The following GLRA3 variants were observed in gnomAD, a reference collection of about 807,000 sequenced individuals.
The protein encoded by GLRA3 is glycine receptor alpha 3.
Under a neutral mutation model 60.4 loss-of-function variants are expected in GLRA3, and 44 were observed. The observed-to-expected ratio is 0.73, with a 90% CI of 0.57 to 0.94. The LOEUF (loss-of-function observed/expected upper bound fraction) is 0.94, where lower values mean the gene tolerates loss of function less well. GLRA3 is among the 40% of genes least tolerant of loss of function. GLRA3 has a pLI of 0.00. For missense variants in GLRA3, 508 were observed against 564.6 expected, an observed-to-expected ratio of 0.90 and a Z score of 1.02; for synonymous variants, 223 against 192.9, an observed-to-expected ratio of 1.16 and a Z score of -1.29.
At chr4:174,649,319 G>A (rs1732947755) in intron 9 of GLRA3, among the ~76,000 whole-genome samples, 1 of 152,176 alleles carries the variant, frequency 6.6e-6, no homozygotes, top group South Asian at 2.1e-4. Flanking sequence ...AGGTATCATG[G>A]TCACACTAAA....
In GLRA3 at chr4:174,824,667, A is replaced by G. The variant is rs141555218; in HGVS notation, c.71+4074T>C. Among the ~76,000 whole-genome samples, 1,478 of 152,272 alleles carry G rather than the reference A, an allele frequency of 9.7e-3. 14 individuals are homozygous for G. Among genetic ancestry groups the G allele is most frequent in the Non-Finnish European group, 0.018 (1,240 of 67,980 alleles). ...TATATATCTGTATCATTCGTTTTGCATAGAATATTCTCTTTATATATCATT... is the reference window on the plus strand; with the variant it reads ...TATATATCTGTATCATTCGTTTTGCGTAGAATATTCTCTTTATATATCATT... On this transcript the variant is annotated intron_variant, in intron 1 of 9. Coordinates refer to ENST00000274093, the MANE Select transcript of GLRA3 (RefSeq NM_006529.4).
chr4:174,732,793 T>A (rs1162587504), intron 3 of GLRA3, among the ~76,000 whole-genome samples: 1 of 147,544 alleles, frequency 6.8e-6, no homozygotes. Context: ...ATATATATAT[T>A]TATGTGTATG....
intron 7 of GLRA3, among the ~76,000 whole-genome samples, chr4:174,662,831 T>C (rs1445481725): frequency 7.5e-6 from 1 of 133,772 alleles, no homozygotes; most frequent in African/African-American, 2.5e-5. Context: ...TTGTTTTTTT[T>C]TTTTTCTTTT....
At chr4:174,677,367 C>G in intron 6 of GLRA3, 75 bp from the exon 7 acceptor site, 1 of 730,142 alleles carries the variant, frequency 1.4e-6, no homozygotes, top group Non-Finnish European at 2.2e-6. Context: ...CACAATTTCT[C>G]TTTTTTTTTT....
At chr4:174,670,319 T>C (rs967343226) in intron 7 of GLRA3, among the ~76,000 whole-genome samples, 47 of 152,168 alleles carry the variant, frequency 3.1e-4, no homozygotes, top group Admixed American at 6.6e-5. Context: ...CCTTTTCCTC[T>C]GGAGTTCAAG....
chr4:174,764,041 A>G (rs1309374527), intron 3 of GLRA3, among the ~76,000 whole-genome samples: 1 of 152,182 alleles, frequency 6.6e-6, no homozygotes, highest in Admixed American at 6.6e-5. Context: ...AATGGTTGGT[A>G]CTACATGAAA....
At chr4:174,816,486 G>T (rs549092574) in intron 1 of GLRA3, among the ~76,000 whole-genome samples, 24 of 152,192 alleles carry the variant, frequency 1.6e-4, no homozygotes, top group Admixed American at 9.8e-4. Flanking sequence ...CTTAACTCAC[G>T]ATACTTGTCC....
chr4:174,729,274 C>A (rs1467311920), intron 3 of GLRA3, among the ~76,000 whole-genome samples: 1 of 152,124 alleles, frequency 6.6e-6, no homozygotes, highest in Non-Finnish European at 1.5e-5. Context: ...TAGTAGATAT[C>A]CAATAACATC....
chr4:174,647,057 G>C (rs531463423), intron 9 of GLRA3, among the ~76,000 whole-genome samples: 2 of 152,338 alleles, frequency 1.3e-5, no homozygotes, highest in South Asian at 4.1e-4. Flanking sequence ...GATGATCTGT[G>C]AGATAAAATT....
chr4:174,828,755 T>A lies in GLRA3; in HGVS notation c.57A>T (p.Ala19=), dbSNP rs749766998. 6.2e-7 allele frequency: 1 copy of A among 1,609,676 alleles called. No homozygotes were observed. The highest frequency in any genetic ancestry group is 1.3e-5 in the African/African-American group (1 of 74,954). ...TLVSGFYFWE[A]ALLLSLVATK... is the part of the protein sequence containing the mutation. ...AGCGAACTCACCTGAGTAACAGTGC[T>A]GCTTCCCAGAAGTAAAATCCCGAAA... The change falls in exon 1 of 10, where the codon GCA becomes GCT. Residue 19 remains alanine (A), a synonymous_variant. Transcript: ENST00000274093.
intron 5 of GLRA3, among the ~76,000 whole-genome samples, chr4:174,687,527 G>C (rs1734592637): frequency 6.6e-6 from 1 of 152,130 alleles, no homozygotes; most frequent in Non-Finnish European, 1.5e-5. Context: ...TGGTTACTGT[G>C]CCTAGGTATT....
chr4:174,704,128 C>G (rs1735428744), intron 5 of GLRA3, among the ~76,000 whole-genome samples: 1 of 131,768 alleles, frequency 7.6e-6, no homozygotes, highest in Non-Finnish European at 1.7e-5. Flanking sequence ...AACCCCATCT[C>G]TATCAAAAAT....
chr4:174,649,947 A>G (rs1167958212), intron 9 of GLRA3, among the ~76,000 whole-genome samples: 3 of 152,164 alleles, frequency 2.0e-5, no homozygotes, highest in Non-Finnish European at 4.4e-5. Context: ...ACAACCGGAT[A>G]AGAAACAATT....
chr4:174,717,335 C>G (rs979744730), intron 4 of GLRA3, among the ~76,000 whole-genome samples: 4 of 127,374 alleles, frequency 3.1e-5, no homozygotes, highest in Non-Finnish European at 6.9e-5. Context: ...AACAAAGAAA[C>G]AAAGAAAGGA....
chr4:174,681,320 A>G (rs61038141), intron 6 of GLRA3, among the ~76,000 whole-genome samples: 64,169 of 152,054 alleles, frequency 0.42, 14,097 homozygotes, highest in Middle Eastern at 0.54. Flanking sequence ...CTTGTTCTGG[A>G]TTAAATGATA....
intron 3 of GLRA3, among the ~76,000 whole-genome samples, chr4:174,764,247 T>C (rs1738051193): frequency 6.9e-6 from 1 of 144,322 alleles, no homozygotes; most frequent in Non-Finnish European, 1.5e-5. Flanking sequence ...GATTAAAGAA[T>C]AACCTCAAAT....
rs1164420755 is a variant in GLRA3, at chr4:174,816,702, C to T, written c.71+12039G>A. ...TTGAAATGTGCTATAGCATTGATCA[C>T]ATACTATGCTCTCTGAAGCCAGTTT... is the stretch of plus-strand genomic sequence containing the variant. On this transcript the variant is annotated intron_variant, in intron 1 of 9. Coordinates refer to ENST00000274093, the MANE Select transcript of GLRA3 (RefSeq NM_006529.4). 2.6e-5 allele frequency among the ~76,000 whole-genome samples: 4 copies of T among 151,136 alleles called. No individual in the cohort carries two copies. In the East Asian group the frequency reaches 5.9e-4, roughly 22 times the overall value.
Position 174,792,743 on chromosome 4 carries a change from G to A in GLRA3, c.72-3800C>T, listed in dbSNP as rs114071508. Among the ~76,000 whole-genome samples the A allele has an allele frequency of 6.7e-3, 1,025 of 152,280 alleles. 11 individuals carry two copies. The highest frequency in any genetic ancestry group is 0.024 in the African/African-American group (980 of 41,552). On this transcript the variant is annotated intron_variant, in intron 1 of 9. Transcript: ENST00000274093. ...CTTCTTCAGGAAAAAGGCTTTTGGC[G>A]GTGGGTGAACTCCAAGTTAGGTCAC...
chr4:174,738,412 A>G (rs555890380), intron 3 of GLRA3, among the ~76,000 whole-genome samples: 5 of 152,360 alleles, frequency 3.3e-5, no homozygotes, highest in African/African-American at 1.2e-4. Context: ...GCATACATAT[A>G]TAAAGGTATT....
Sources: gnomAD v4.1 joint callset for allele counts (sites outside exome capture counted in the v4.1 genomes callset) on GRCh38, gnomAD v4.1.1 for gene constraint, MANE v1.5 for transcripts, NCBI Gene and HGNC (gene_info 2026-07-23, HGNC 2026-07-21) for gene names.